The following GRIA2 variants were observed in gnomAD, a reference collection of about 807,000 sequenced individuals.
GRIA2 encodes glutamate receptor 2.
A neutral mutation model predicts 97.3 loss-of-function variants in GRIA2; 14 were observed. That is an observed-to-expected ratio of 0.14 (90% CI 0.10 to 0.23). GRIA2 has a LOEUF of 0.23. Among genes scored for constraint, GRIA2 ranks in the 10% least tolerant of loss-of-function variants. The pLI is 1.00. For synonymous variants in GRIA2, 412 were observed against 387.8 expected, an observed-to-expected ratio of 1.06 and a Z score of -0.73; for missense variants, 558 against 1,069.8, an observed-to-expected ratio of 0.52 and a Z score of 6.67.
Position 157,335,443 on chromosome 4 carries a change from G to A in GRIA2, c.1267-228G>A, listed in dbSNP as rs1396695559. 5.6e-6 allele frequency: 3 copies of A among 531,606 alleles called. No individual in the cohort carries two copies. The African/African-American group carries it at 5.7e-5, about 10-fold the overall frequency. 32.9% of individuals were successfully genotyped at this position (531,606 alleles called of 1,614,324 possible). On this transcript the variant is annotated intron_variant, in intron 9 of 15. Coordinates refer to ENST00000264426, the MANE Select transcript of GRIA2 (RefSeq NM_001083619.3). ...TGGTTTTGAGTATCTTGTTAACTCA[G>A]TATGCTTGCATACAAGCCGTCTTAA...
intron 2 of GRIA2, among the ~76,000 whole-genome samples, chr4:157,254,628 A>T (rs1731161402): frequency 6.6e-6 from 1 of 152,090 alleles, no homozygotes; most frequent in Non-Finnish European, 1.5e-5. Context: ...TGATAATATT[A>T]TATATATTGG....
At chr4:157,232,597 A>G (rs1332981077) in intron 2 of GRIA2, among the ~76,000 whole-genome samples, 1 of 152,204 alleles carries the variant, frequency 6.6e-6, no homozygotes, top group Non-Finnish European at 1.5e-5. Flanking sequence ...CAGAAAGGAA[A>G]TTTTGAGAAC....
intron 5 of GRIA2, among the ~76,000 whole-genome samples, chr4:157,320,957 T>C (rs1260290925): frequency 2.6e-5 from 4 of 152,144 alleles, no homozygotes; most frequent in Non-Finnish European, 5.9e-5. Context: ...TCTCAAATAA[T>C]GACTGGACAT....
chr4:157,337,932 T>G (rs1282376366), intron 11 of GRIA2, among the ~76,000 whole-genome samples: 1 of 148,424 alleles, frequency 6.7e-6, no homozygotes, highest in African/African-American at 2.5e-5. Context: ...CCCTGTGACT[T>G]CCCTGTGGGA....
At chr4:157,223,474 T>G (rs1484144155) in intron 2 of GRIA2, among the ~76,000 whole-genome samples, 2 of 152,192 alleles carry the variant, frequency 1.3e-5, no homozygotes, top group Non-Finnish European at 2.9e-5. Context: ...CAGAAAATTT[T>G]AGTACATGAC....
At chr4:157,256,162 TA>T (rs1236725420) in intron 2 of GRIA2, among the ~76,000 whole-genome samples, 1 of 139,004 alleles carries the variant, frequency 7.2e-6, no homozygotes, top group Non-Finnish European at 1.5e-5. Flanking sequence ...ATATTACATA[TA>T]TATGTTATAT....
At chr4:157,255,251 T>C (rs1731188094) in intron 2 of GRIA2, among the ~76,000 whole-genome samples, 1 of 148,060 alleles carries the variant, frequency 6.8e-6, no homozygotes, top group African/African-American at 2.6e-5. Context: ...ATTTCATTCT[T>C]TTTATGGCTG....
intron 12 of GRIA2, among the ~76,000 whole-genome samples, chr4:157,358,640 A>G (rs545490754): frequency 1.3e-5 from 2 of 152,112 alleles, no homozygotes; most frequent in Admixed American, 6.6e-5. Flanking sequence ...TCTCAATACA[A>G]CAGCCCCTAC....
Position 157,256,228 on chromosome 4 carries a change from TATATAATA to T in GRIA2, c.229+34422_229+34429del, listed in dbSNP as rs1731253985. Among the ~76,000 whole-genome samples the T allele has an allele frequency of 2.5e-5, 3 of 122,368 alleles. No individual in the cohort carries two copies. The South Asian group carries it at 6.6e-4, about 27-fold the overall frequency. The allele number at this position is 122,368 out of a possible 152,430, so 80.3% of individuals were successfully genotyped here. A position where few individuals can be genotyped will look rare whatever the true frequency, so the allele number is the denominator to read the frequency against. On this transcript the variant is annotated intron_variant, in intron 2 of 15. Coordinates refer to ENST00000264426, the MANE Select transcript of GRIA2 (RefSeq NM_001083619.3). ...TATATATGTTATATATAATATATAA[TATATAATA>T]TATATATATAATATATAAATTATAT...
chr4:157,311,192 T>C (rs1734065729), intron 3 of GRIA2, among the ~76,000 whole-genome samples: 1 of 152,076 alleles, frequency 6.6e-6, no homozygotes, highest in South Asian at 2.1e-4. Context: ...ATGCTTGTTT[T>C]ATTTCATTAT....
chr4:157,259,340 A>G (rs1731423869), intron 2 of GRIA2, among the ~76,000 whole-genome samples: 1 of 152,082 alleles, frequency 6.6e-6, no homozygotes, highest in Admixed American at 6.6e-5. Context: ...GGGATTGGGG[A>G]GACGTCTGCT....
intron 2 of GRIA2, among the ~76,000 whole-genome samples, chr4:157,273,556 T>C (rs950784966): frequency 6.6e-6 from 1 of 151,920 alleles, no homozygotes; most frequent in Non-Finnish European, 1.5e-5. Context: ...AAAAAAGAAA[T>C]ACTAGAGGTC....
chr4:157,329,888 T>C (rs1298019267), intron 6 of GRIA2, among the ~76,000 whole-genome samples: 1 of 151,928 alleles, frequency 6.6e-6, no homozygotes, highest in East Asian at 1.9e-4. Flanking sequence ...ACCAGGACCA[T>C]TGGTCATCAT....
At chr4:157,234,566 A>T (rs140358335) in intron 2 of GRIA2, among the ~76,000 whole-genome samples, 1 of 152,272 alleles carries the variant, frequency 6.6e-6, no homozygotes, top group East Asian at 1.9e-4. Context: ...ATCTGATACT[A>T]TTCAGTTACC....
chr4:157,319,111 G>A (rs886464260), intron 5 of GRIA2, among the ~76,000 whole-genome samples: 12 of 152,142 alleles, frequency 7.9e-5, no homozygotes, highest in Admixed American at 6.6e-5. Context: ...CCTTTAGAGT[G>A]TATTAAGATG....
chr4:157,277,016 A>T (rs1732349976), intron 2 of GRIA2, among the ~76,000 whole-genome samples: 1 of 151,944 alleles, frequency 6.6e-6, no homozygotes, highest in Non-Finnish European at 1.5e-5. Flanking sequence ...AATAGAAGCC[A>T]AGGGAGTATT....
intron 2 of GRIA2, among the ~76,000 whole-genome samples, chr4:157,222,851 G>T (rs1344831717): frequency 6.6e-6 from 1 of 152,208 alleles, no homozygotes; most frequent in Admixed American, 6.5e-5. Flanking sequence ...AGGCCAGAGG[G>T]CTCCGGTCCC....
At chr4:157,298,681 A>G (rs1473238888) in intron 2 of GRIA2, among the ~76,000 whole-genome samples, 1 of 142,044 alleles carries the variant, frequency 7.0e-6, no homozygotes, top group African/African-American at 2.6e-5. Flanking sequence ...TATTTTATCA[A>G]AAATGACTCA....
At chr4:157,360,492 C>T (rs1254098257) in intron 13 of GRIA2, among the ~76,000 whole-genome samples, 2 of 152,044 alleles carry the variant, frequency 1.3e-5, no homozygotes, top group Non-Finnish European at 2.9e-5. Flanking sequence ...AGCCTGCTTA[C>T]AAACACTCTG....
Sources: allele counts gnomAD v4.1 joint callset (sites outside exome capture counted in the v4.1 genomes callset), GRCh38; gene constraint gnomAD v4.1.1; transcripts MANE v1.5; gene names NCBI Gene and HGNC (gene_info 2026-07-23, HGNC 2026-07-21).